The following CHD5 variants were observed in gnomAD, a reference collection of about 807,000 sequenced individuals.
CHD5 encodes the protein ATP-dependent chromatin remodeler CHD5.
A neutral mutation model predicts 230.3 loss-of-function variants in CHD5; 69 were observed. The observed-to-expected ratio is 0.30, with a 90% CI of 0.25 to 0.37. The LOEUF is 0.37. Among genes scored for constraint, CHD5 ranks in the 10% least tolerant of loss-of-function variants. The pLI, the probability that CHD5 is intolerant of heterozygous loss-of-function variation, is 1.00. For missense variants in CHD5, 1,827 were observed against 2,622.8 expected, an observed-to-expected ratio of 0.70 and a Z score of 6.63; for synonymous variants, 1,064 against 1,065.9, an observed-to-expected ratio of 1.00 and a Z score of 0.03.
intron 33 of CHD5, among the ~76,000 whole-genome samples, chr1:6,118,841 G>A (rs1172984221): frequency 6.6e-6 from 1 of 151,710 alleles, no homozygotes; most frequent in Non-Finnish European, 1.5e-5. Context: ...GGGATTACAG[G>A]TGCCCACCAC....
At chr1:6,172,150 G>A (rs1388117233) in intron 1 of CHD5, among the ~76,000 whole-genome samples, 1 of 152,210 alleles carries the variant, frequency 6.6e-6, no homozygotes, top group Admixed American at 6.5e-5. Flanking sequence ...GCCACTGCAG[G>A]CTGCGGCCAG....
Position 6,106,293 on chromosome 1 carries a change from A to T in CHD5, c.5858-6T>A. 1.2e-6 allele frequency: 2 copies of T among 1,612,742 alleles called. No homozygotes were observed. Among genetic ancestry groups the T allele is most frequent in the Non-Finnish European group, 8.5e-7 (1 of 1,179,948 alleles). ...TCTCGAGGACGGCTAGATATCTGTC[A>T]AAAAAAGAGGAGAGCCGGGCTTGCC... On this transcript the variant is annotated splice_polypyrimidine_tract_variant and splice_region_variant and intron_variant, in intron 40 of 41. Transcript: ENST00000262450.
intron 15 of CHD5, among the ~76,000 whole-genome samples, chr1:6,138,952 G>A (rs1052775605): frequency 2.3e-4 from 35 of 152,208 alleles, no homozygotes; most frequent in African/African-American, 5.5e-4. Flanking sequence ...ATTCTGACCC[G>A]TGCCACAACA....
rs576773393 is a variant in CHD5 at position 6,124,211 on chromosome 1, C to T, written c.4540-104G>A. ...CCAGGGGGGCTGAAAGTGTCACAGG[C>T]TTGGGGTAGCTGCTACCTCCGCCCA... On this transcript the variant is annotated intron_variant, in intron 30 of 41. Transcript: ENST00000262450. 1.1e-5 allele frequency: 13 copies of T among 1,137,886 alleles called. No homozygotes were observed. In the East Asian group the frequency reaches 2.8e-4, roughly 24 times the overall value. The allele number at this position is 1,137,886 out of a possible 1,614,324, so 70.5% of individuals were successfully genotyped here. A position where few individuals can be genotyped will look rare whatever the true frequency, so the allele number is the denominator to read the frequency against.
chr1:6,178,647 G>T (rs1490749039), intron 1 of CHD5, among the ~76,000 whole-genome samples: 2 of 152,040 alleles, frequency 1.3e-5, no homozygotes, highest in Non-Finnish European at 2.9e-5. Context: ...CCTATTCCCC[G>T]TCCCCAGCAC....
rs371394758 is a variant in CHD5 at position 6,130,378 on chromosome 1, G to A, written c.3263-50C>T. ...GGAGTGTTTGGGGGGGTACACCTTG[G>A]GTGGGCAGAAAGGATGGGGGAGAGA... On this transcript the variant is annotated intron_variant, in intron 21 of 41. Coordinates refer to ENST00000262450, the MANE Select transcript of CHD5 (RefSeq NM_015557.3). This position sits in a 1 kb window ranked among gnomAD's most constrained non-coding sequence, Gnocchi z 4.9. The A allele has an allele frequency of 1.3e-6, 2 of 1,585,126 alleles. No homozygotes were observed. The highest frequency in any genetic ancestry group is 1.7e-6 in the Non-Finnish European group (2 of 1,160,528).
chr1:6,155,355 G>A lies in CHD5; in HGVS notation c.506+244C>T, dbSNP rs1449545798. Among the ~76,000 whole-genome samples the A allele has an allele frequency of 6.6e-6, 1 of 152,072 alleles. No homozygotes were observed. The highest frequency in any genetic ancestry group is 2.4e-5 in the African/African-American group (1 of 41,424). Reference sequence around the variant, plus strand: ...GTGAAAGACCCCCCAGGAAAGACTGGAACCACCTTCCCCAAGGGGAAGAGA... The same window carrying A: ...GTGAAAGACCCCCCAGGAAAGACTGAAACCACCTTCCCCAAGGGGAAGAGA... On this transcript the variant is annotated intron_variant, in intron 4 of 41. Transcript: ENST00000262450. The surrounding 1 kb of genome is among the most constrained non-coding windows in gnomAD (Gnocchi z 4.0).
intron 13 of CHD5, among the ~76,000 whole-genome samples, chr1:6,143,015 C>A (rs189211444): frequency 6.6e-6 from 1 of 151,796 alleles, no homozygotes; most frequent in East Asian, 1.9e-4. Flanking sequence ...CTGGGGCATT[C>A]GCAACGCCCC....
intron 2 of CHD5, 149 bp downstream of exon 2, chr1:6,168,001 G>A (rs1414423384): frequency 1.9e-5 from 18 of 968,894 alleles, no homozygotes; most frequent in East Asian, 7.7e-5. Flanking sequence ...CTTCATACGA[G>A]AAACTGGTTA....
chr1:6,124,662 CT>C lies in CHD5; in HGVS notation c.4395-2del. Reference sequence around the variant, plus strand: ...CCGCATGAAGAGGGACACATAGGCTCTGGGGTGGGGGGGGGGGACTGGGGCT... The same window carrying C: ...CCGCATGAAGAGGGACACATAGGCTCGGGGTGGGGGGGGGGGACTGGGGCT... On this transcript the variant is annotated splice_acceptor_variant, in intron 29 of 41. Transcript: ENST00000262450. LOFTEE classifies it high-confidence loss of function. The C allele has an allele frequency of 1.8e-5, 2 of 111,428 alleles. No individual in the cohort carries two copies. Among genetic ancestry groups the C allele is most frequent in the Non-Finnish European group, 2.8e-5 (2 of 70,236 alleles). The allele number at this position is 111,428 out of a possible 1,614,324, so 6.9% of individuals were successfully genotyped here. A position where few individuals can be genotyped will look rare whatever the true frequency, so the allele number is the denominator to read the frequency against.
intron 34 of CHD5, among the ~76,000 whole-genome samples, chr1:6,112,553 C>CA (rs1666309709): frequency 6.6e-6 from 1 of 152,330 alleles, no homozygotes; most frequent in South Asian, 2.1e-4. Flanking sequence ...AGTTCAAGTT[C>CA]AAAGACAGAG....
intron 1 of CHD5, among the ~76,000 whole-genome samples, chr1:6,173,643 A>T (rs1266282307): frequency 1.3e-5 from 2 of 152,174 alleles, no homozygotes; most frequent in African/African-American, 4.8e-5. Context: ...GTGAATGCAA[A>T]GGACCCACAC....
intron 37 of CHD5, 133 bp downstream of exon 37, chr1:6,110,261 C>G: frequency 1.9e-6 from 2 of 1,060,550 alleles, no homozygotes; most frequent in East Asian, 2.4e-5. Context: ...GATGGACATA[C>G]TGCTGCTTCG....
At position 6,143,887 on chromosome 1, in the gene CHD5, AGCAGCCTCTTGG is replaced by A. The variant is rs1557551315; in HGVS notation, c.1967_1978del (p.Pro656_Leu659del). 2 of 1,605,952 alleles carry A rather than the reference AGCAGCCTCTTGG, an allele frequency of 1.2e-6. No homozygotes were observed. The highest frequency in any genetic ancestry group is 1.7e-6 in the Non-Finnish European group (2 of 1,175,758). On this transcript the variant is annotated inframe_deletion, in exon 13 of 42. Coordinates refer to ENST00000262450, the MANE Select transcript of CHD5 (RefSeq NM_015557.3). ...GTCCCTCAGCTTCTTGCCCTTCTTG[AGCAGCCTCTTGG>A]GCAGCCTGGTGTCTTCTCCCAGCAT...
In CHD5 at chr1:6,155,666, C is replaced by T. The variant is rs779904423; in HGVS notation, c.439G>A (p.Asp147Asn). The change falls in exon 4 of 42, where the codon GAC (aspartate) becomes AAC (asparagine). Residue 147 changes from aspartate to asparagine, a missense_variant. Asp to Asn is a conservative substitution (Grantham distance 23, BLOSUM62 1). This residue lies in a region of CHD5 where 657 missense variants were observed against 816.4 expected (regional missense o/e 0.80). Coordinates refer to ENST00000262450, the MANE Select transcript of CHD5 (RefSeq NM_015557.3). This position sits in a 1 kb window ranked among gnomAD's most constrained non-coding sequence, Gnocchi z 4.0. ...TAATCCTCCTCCGAGAACAGGTAGTCCACGTCGTCCAGGCCCCACTCGGCC... is the reference window on the plus strand; with the variant it reads ...TAATCCTCCTCCGAGAACAGGTAGTTCACGTCGTCCAGGCCCCACTCGGCC... ...LMAEWGLDDV[D>N]YLFSEEDYHT... The T allele has an allele frequency of 3.1e-6, 5 of 1,614,118 alleles. No homozygotes were observed. Among genetic ancestry groups the T allele is most frequent in the African/African-American group, 1.3e-5 (1 of 75,016 alleles).
chr1:6,110,292 A>T (rs1666265230), intron 37 of CHD5, 102 bp downstream of exon 37: 12 of 1,364,512 alleles, frequency 8.8e-6, no homozygotes, highest in Middle Eastern at 1.8e-4. Context: ...ACCCAGGTAC[A>T]CGGGGAGGGG....
chr1:6,154,494 T>C lies in CHD5; in HGVS notation c.745+166A>G, dbSNP rs887446282. 1.3e-5 allele frequency among the ~76,000 whole-genome samples: 2 copies of C among 152,162 alleles called. No homozygotes were observed. Among genetic ancestry groups the C allele is most frequent in the African/African-American group, 4.8e-5 (2 of 41,446 alleles). On this transcript the variant is annotated intron_variant, in intron 5 of 41. Transcript: ENST00000262450. The surrounding 1 kb of genome is among the most constrained non-coding windows in gnomAD (Gnocchi z 7.0). ...AAAAGAGGCGACGATGCTGCCTCACTGCTGAGAAAGGACCGGGCAATCCAA... is the reference window on the plus strand; with the variant it reads ...AAAAGAGGCGACGATGCTGCCTCACCGCTGAGAAAGGACCGGGCAATCCAA...
At position 6,154,948 on chromosome 1, in the gene CHD5, GGCCCACCCGAC is replaced by G; in HGVS notation, c.507-61_507-51del. 2 of 1,524,640 alleles carry G rather than the reference GGCCCACCCGAC, an allele frequency of 1.3e-6. No individual in the cohort carries two copies. The highest frequency in any genetic ancestry group is 1.8e-6 in the Non-Finnish European group (2 of 1,112,678). The allele number at this position is 1,524,640 out of a possible 1,614,324, so 94.4% of individuals were successfully genotyped here. On this transcript the variant is annotated intron_variant, in intron 4 of 41. Coordinates refer to ENST00000262450, the MANE Select transcript of CHD5 (RefSeq NM_015557.3). This position sits in a 1 kb window ranked among gnomAD's most constrained non-coding sequence, Gnocchi z 7.0. Reference sequence around the variant, plus strand: ...GAGGGCAAGGCCAGGTGAGATGAGAGGCCCACCCGACCCCCGGCAGGGCCCACCCCTCTGCC... The same window carrying G: ...GAGGGCAAGGCCAGGTGAGATGAGAGCCCCGGCAGGGCCCACCCCTCTGCC...
chr1:6,127,797 T>C (rs575243668), intron 25 of CHD5, among the ~76,000 whole-genome samples: 1 of 152,170 alleles, frequency 6.6e-6, no homozygotes, highest in Non-Finnish European at 1.5e-5. Context: ...GTGTCTCTAG[T>C]CCTGAGCCCG....
Sources: gnomAD v4.1 joint callset for allele counts (sites outside exome capture counted in the v4.1 genomes callset) on GRCh38, gnomAD v4.1.1 for gene constraint, gnomAD v4.1.1 regional missense constraint, Gnocchi (gnomAD v3.1) non-coding constraint, MANE v1.5 for transcripts, NCBI Gene and HGNC (gene_info 2026-07-23, HGNC 2026-07-21) for gene names.